Variants in CNTNAP4 observed in about 807,000 individuals in gnomAD.
CNTNAP4 encodes the protein contactin-associated protein-like 4.
Under a neutral mutation model 148.4 loss-of-function variants are expected in CNTNAP4, and 98 were observed. That is an observed-to-expected ratio of 0.66 (90% CI 0.56 to 0.78). The LOEUF is 0.78. CNTNAP4 is among the 30% of genes least tolerant of loss of function. The probability of loss-of-function intolerance (pLI) is 0.00; values close to 1 mark genes in which losing one functional copy is unlikely to be tolerated. For synonymous variants in CNTNAP4, 730 were observed against 565.1 expected, an observed-to-expected ratio of 1.29 and a Z score of -4.14; for missense variants, 1,935 against 1,565.6, an observed-to-expected ratio of 1.24 and a Z score of -3.98.
intron 1 of CNTNAP4, among the ~76,000 whole-genome samples, chr16:76,293,685 T>C (rs560117795): frequency 4.8e-4 from 73 of 152,314 alleles, no homozygotes; most frequent in South Asian, 1.0e-3. Context: ...AGCTCTTTGC[T>C]TGGAACTTAC....
intron 1 of CNTNAP4, among the ~76,000 whole-genome samples, chr16:76,279,497 T>C (rs1207574992): frequency 6.6e-6 from 1 of 152,224 alleles, no homozygotes; most frequent in Non-Finnish European, 1.5e-5. Context: ...GTGTAATATT[T>C]ATGTCTGCTT....
chr16:76,293,733 C>T (rs1259932806), intron 1 of CNTNAP4, among the ~76,000 whole-genome samples: 2 of 151,256 alleles, frequency 1.3e-5, no homozygotes, highest in Non-Finnish European at 2.9e-5. Context: ...AATCACATTT[C>T]ATATGCTAGG....
At position 76,551,170 on chromosome 16, in the gene CNTNAP4, G is replaced by A. The variant is rs374158321; in HGVS notation, c.3443-2113G>A. ...CATGCCTATAATCTCAGCAACGTTG[G>A]GAGGCCAAAGTGGGTGGATCACTTG... On this transcript the variant is annotated intron_variant, in intron 21 of 23. Transcript: ENST00000611870. Among the ~76,000 whole-genome samples the A allele has an allele frequency of 5.5e-4, 84 of 152,164 alleles. No homozygotes were observed. In the South Asian group the frequency reaches 0.016, roughly 29 times the overall value.
intron 3 of CNTNAP4, among the ~76,000 whole-genome samples, chr16:76,381,319 T>C (rs1166702106): frequency 2.0e-5 from 3 of 152,276 alleles, no homozygotes; most frequent in East Asian, 3.9e-4. Flanking sequence ...CATTGAACCA[T>C]CACACAGTAG....
intron 15 of CNTNAP4, among the ~76,000 whole-genome samples, chr16:76,510,150 G>A (rs1394319270): frequency 2.6e-5 from 4 of 151,332 alleles, no homozygotes; most frequent in African/African-American, 4.9e-5. Flanking sequence ...TCCATTTCAC[G>A]CACTCCCCAT....
chr16:76,484,789 A>G (rs909529472), intron 12 of CNTNAP4, among the ~76,000 whole-genome samples: 1 of 152,326 alleles, frequency 6.6e-6, no homozygotes, highest in Middle Eastern at 3.4e-3. Context: ...CTTGCAGCCA[A>G]TAGCATATCT....
At chr16:76,400,021 A>G (rs1250619215) in intron 3 of CNTNAP4, among the ~76,000 whole-genome samples, 1 of 152,192 alleles carries the variant, frequency 6.6e-6, no homozygotes, top group Non-Finnish European at 1.5e-5. Flanking sequence ...AATCAAATGG[A>G]TTTAGACAGG....
At chr16:76,453,512 G>A (rs559134956) in intron 8 of CNTNAP4, among the ~76,000 whole-genome samples, 364 of 152,112 alleles carry the variant, frequency 2.4e-3, no homozygotes, top group Non-Finnish European at 3.9e-3. Flanking sequence ...ACATTTTTAC[G>A]TATGTACAAT....
intron 1 of CNTNAP4, among the ~76,000 whole-genome samples, chr16:76,298,294 A>G (rs1033364662): frequency 2.0e-5 from 3 of 152,204 alleles, no homozygotes; most frequent in Non-Finnish European, 4.4e-5. Context: ...TTTAATCAAA[A>G]TGTAACAGTC....
chr16:76,382,057 T>C (rs1334017875), intron 3 of CNTNAP4, among the ~76,000 whole-genome samples: 3 of 78,948 alleles, frequency 3.8e-5, no homozygotes, highest in African/African-American at 1.1e-4. Flanking sequence ...CGAGACTCCG[T>C]CTCAAAAAAA....
intron 1 of CNTNAP4, among the ~76,000 whole-genome samples, chr16:76,309,592 G>C (rs1165890214): frequency 1.3e-5 from 2 of 152,154 alleles, no homozygotes; most frequent in Non-Finnish European, 2.9e-5. Context: ...TGGAAACATG[G>C]GCAAAAATGA....
chr16:76,480,802 A>T (rs2081798915), intron 12 of CNTNAP4, among the ~76,000 whole-genome samples: 1 of 152,188 alleles, frequency 6.6e-6, no homozygotes, highest in Non-Finnish European at 1.5e-5. Context: ...GTTCTTCCAA[A>T]CTAGATATTG....
chr16:76,361,044 C>T (rs1165419166), intron 3 of CNTNAP4, among the ~76,000 whole-genome samples: 5 of 151,624 alleles, frequency 3.3e-5, no homozygotes, highest in African/African-American at 4.9e-5. Flanking sequence ...AGGATGGCCT[C>T]GATTTGCTGA....
At chr16:76,488,383 A>C (rs2082098851) in intron 12 of CNTNAP4, among the ~76,000 whole-genome samples, 1 of 152,202 alleles carries the variant, frequency 6.6e-6, no homozygotes, top group Admixed American at 6.5e-5. Context: ...AAATACAAAA[A>C]TAACAGCTAT....
At chr16:76,356,398 G>A (rs2144508159) in intron 3 of CNTNAP4, among the ~76,000 whole-genome samples, 1 of 152,238 alleles carries the variant, frequency 6.6e-6, no homozygotes, top group Non-Finnish European at 1.5e-5. Flanking sequence ...GTAAATTGCT[G>A]TGTGTTGTAA....
At chr16:76,371,603 A>G (rs1028902112) in intron 3 of CNTNAP4, among the ~76,000 whole-genome samples, 9 of 152,160 alleles carry the variant, frequency 5.9e-5, no homozygotes, top group Non-Finnish European at 1.2e-4. Flanking sequence ...CTTCTGGGAC[A>G]AGGTTACAAC....
chr16:76,524,465 T>C (rs2144137515), intron 17 of CNTNAP4, among the ~76,000 whole-genome samples: 1 of 152,288 alleles, frequency 6.6e-6, no homozygotes, highest in East Asian at 1.9e-4. Context: ...AATTTTTCAG[T>C]GAAATATGCT....
At chr16:76,326,238 C>T (rs1049036650) in intron 2 of CNTNAP4, among the ~76,000 whole-genome samples, 1 of 152,180 alleles carries the variant, frequency 6.6e-6, no homozygotes, top group East Asian at 1.9e-4. Context: ...AAAATACTAG[C>T]GTACATGTGT....
intron 3 of CNTNAP4, among the ~76,000 whole-genome samples, chr16:76,367,897 A>T (rs901112100): frequency 1.3e-5 from 2 of 152,186 alleles, no homozygotes; most frequent in African/African-American, 2.4e-5. Context: ...CTGGTATCTT[A>T]TCAGTCCTAG....
Sources: gnomAD v4.1 joint callset for allele counts (sites outside exome capture counted in the v4.1 genomes callset) on GRCh38, gnomAD v4.1.1 for gene constraint, MANE v1.5 for transcripts, NCBI Gene and HGNC (gene_info 2026-07-23, HGNC 2026-07-21) for gene names.